Variants in SECISBP2 observed in about 807,000 individuals in gnomAD.
SECISBP2 encodes the protein selenocysteine insertion sequence-binding protein 2.
In SECISBP2, 96 loss-of-function variants were observed where a neutral mutation model predicts 98.2. That is an observed-to-expected ratio of 0.98 (90% CI 0.83 to 1.16). The LOEUF is 1.16. Among genes scored for constraint, SECISBP2 ranks in the 50% most tolerant of loss-of-function variants. The pLI is 0.00. For synonymous variants in SECISBP2, 407 were observed against 370.2 expected, an observed-to-expected ratio of 1.10 and a Z score of -1.14; for missense variants, 1,046 against 1,022.9, an observed-to-expected ratio of 1.02 and a Z score of -0.31.
At chr9:89,358,320 G>T in intron 16 of SECISBP2, 129 bp downstream of exon 16, 1 of 915,830 alleles carries the variant, frequency 1.1e-6, no homozygotes, top group Non-Finnish European at 1.8e-6. Context: ...GGTAAGTCCA[G>T]CCCATTGCCT....
chr9:89,358,288 G>T (rs1832410715), intron 16 of SECISBP2, 97 bp downstream of exon 16: 3 of 1,251,430 alleles, frequency 2.4e-6, no homozygotes, highest in Non-Finnish European at 2.3e-6. Flanking sequence ...AATGCTGCAA[G>T]ACCAGCTGAG....
chr9:89,336,897 A>G lies in SECISBP2; in HGVS notation c.1090-1561A>G, dbSNP rs139902319. Among the ~76,000 whole-genome samples, 432 of 144,670 alleles carry G rather than the reference A, an allele frequency of 3.0e-3. 2 individuals are homozygous for G. The highest frequency in any genetic ancestry group is 0.011 in the African/African-American group (411 of 38,110). 94.9% of individuals were successfully genotyped at this position (144,670 alleles called of 152,430 possible). The stretch of plus-strand genomic sequence containing the variant: ...AGCAATTCTCCTGCCTTAGTCTCCC[A>G]AGTAGCTGGGATTACAGGTGCCCGC... On this transcript the variant is annotated intron_variant, in intron 7 of 16. Coordinates refer to ENST00000375807, the MANE Select transcript of SECISBP2 (RefSeq NM_024077.5).
At chr9:89,347,779 G>T (rs1056387819) in intron 11 of SECISBP2, among the ~76,000 whole-genome samples, 1 of 152,134 alleles carries the variant, frequency 6.6e-6, no homozygotes, top group African/African-American at 2.4e-5. Flanking sequence ...GCCTCCCTCC[G>T]GTGAATTCTT....
At chr9:89,335,702 C>CT (rs1165735528) in intron 7 of SECISBP2, among the ~76,000 whole-genome samples, 1 of 152,288 alleles carries the variant, frequency 6.6e-6, no homozygotes, top group East Asian at 1.9e-4. Context: ...AGTCACTAGT[C>CT]TGAGTTTATT....
intron 10 of SECISBP2, among the ~76,000 whole-genome samples, chr9:89,344,448 C>G (rs1025335985): frequency 3.3e-5 from 5 of 152,060 alleles, no homozygotes; most frequent in African/African-American, 1.2e-4. Flanking sequence ...CTGGGTTTTA[C>G]GTTTAAGTCT....
In SECISBP2 at chr9:89,325,861, G is replaced by A. The variant is rs1209068454; in HGVS notation, c.433-36G>A. 3.1e-6 allele frequency: 5 copies of A among 1,612,924 alleles called. No homozygotes were observed. In the South Asian group the frequency reaches 4.4e-5, roughly 14 times the overall value. The stretch of plus-strand genomic sequence containing the variant: ...GCTTTAAACCTTTTTTATAGTGGTG[G>A]TTTTATTTCATGTTGCTTTTTAATC... On this transcript the variant is annotated intron_variant, in intron 3 of 16. Transcript: ENST00000375807.
intron 14 of SECISBP2, chr9:89,354,898 T>C (rs945440260): frequency 1.0e-6 from 1 of 985,320 alleles, no homozygotes; most frequent in African/African-American, 1.7e-5. Context: ...AATATAGATT[T>C]CACTGTAAGT....
chr9:89,364,608 A>G (rs1279541700), downstream of SECISBP2: 1 of 156,518 alleles, frequency 6.4e-6, no homozygotes, highest in African/African-American at 2.4e-5. Flanking sequence ...TGGGCCCGAC[A>G]TTGGCCACTT....
chr9:89,345,353 G>A (rs1830272041), intron 10 of SECISBP2, among the ~76,000 whole-genome samples: 1 of 152,226 alleles, frequency 6.6e-6, no homozygotes, highest in Non-Finnish European at 1.5e-5. Context: ...CAGTGACAGG[G>A]AAGCTGCTGG....
At chr9:89,362,069 A>C, downstream of SECISBP2, 1 of 495,090 alleles carries the variant, frequency 2.0e-6, no homozygotes, top group Non-Finnish European at 3.7e-6. Flanking sequence ...TAGAGGAGGA[A>C]CCTGCACACA....
chr9:89,335,828 T>G (rs1828574965), intron 7 of SECISBP2, among the ~76,000 whole-genome samples: 1 of 152,294 alleles, frequency 6.6e-6, no homozygotes, highest in African/African-American at 2.4e-5. Context: ...CTGTGAGCCA[T>G]TTTGAATTCT....
At chr9:89,364,595 C>G (rs114377821), downstream of SECISBP2, 1,904 of 158,460 alleles carry the variant, frequency 0.012, 41 homozygotes, top group African/African-American at 0.043. Flanking sequence ...TGAGCATGGA[C>G]TCTGGGCCCG....
In SECISBP2 at chr9:89,350,654, A is replaced by G; in HGVS notation, c.1915A>G (p.Lys639Glu). 6.2e-7 allele frequency: 1 copy of G among 1,614,104 alleles called. No homozygotes were observed. Among genetic ancestry groups the G allele is most frequent in the African/African-American group, 1.3e-5 (1 of 75,046 alleles). Residue 639 changes from lysine (K) to glutamate (E), a missense_variant, in exon 14 of 17, where the codon AAA becomes GAA. Transcript: ENST00000375807. ...CAGTTACTGCAGCCAGATGCTTAGT[A>G]AAGAAGTGGATGCTTGTGTTACCGA... ...FRDYCSQMLS[K>E]EVDACVTDLL...
At position 89,325,458 on chromosome 9, in the gene SECISBP2, G is replaced by C. The variant is rs149232886; in HGVS notation, c.214G>C (p.Gly72Arg). The C allele has an allele frequency of 2.5e-6, 4 of 1,613,874 alleles. No homozygotes were observed. The highest frequency in any genetic ancestry group is 3.4e-6 in the Non-Finnish European group (4 of 1,179,864). The change falls in exon 3 of 17, where the codon GGA (glycine) becomes CGA (arginine). Residue 72 changes from glycine to arginine, a missense_variant. Gly to Arg is a moderately radical substitution (Grantham distance 125, BLOSUM62 -2). Coordinates refer to ENST00000375807, the MANE Select transcript of SECISBP2 (RefSeq NM_024077.5). The stretch of plus-strand genomic sequence containing the variant: ...AATATATACTGAAGACATGGCCTTT[G>C]GAGCTTCAACTTTTCCACCTCAGTA... ...QKIYTEDMAFGASTFPPQYLS... is the reference protein window; with the variant it reads ...QKIYTEDMAFRASTFPPQYLS...
intron 5 of SECISBP2, chr9:89,332,615 G>A (rs1429223239): frequency 7.0e-6 from 3 of 430,212 alleles, no homozygotes; most frequent in African/African-American, 4.0e-5. Context: ...GCAGTTATGA[G>A]TAAAGCTGCT....
intron 10 of SECISBP2, among the ~76,000 whole-genome samples, chr9:89,345,688 G>T (rs1830318897): frequency 6.6e-6 from 1 of 152,216 alleles, no homozygotes; most frequent in Non-Finnish European, 1.5e-5. Flanking sequence ...AGGAGGTGTA[G>T]AGCTAGAGGG....
chr9:89,343,274 A>G (rs1019662607), intron 10 of SECISBP2, among the ~76,000 whole-genome samples: 1 of 152,184 alleles, frequency 6.6e-6, no homozygotes, highest in African/African-American at 2.4e-5. Flanking sequence ...AGGCTTTTAG[A>G]TATGTTTCTT....
chr9:89,352,529 T>G (rs1336786091), intron 14 of SECISBP2, among the ~76,000 whole-genome samples: 1 of 152,202 alleles, frequency 6.6e-6, no homozygotes, highest in Non-Finnish European at 1.5e-5. Context: ...GGGGGTTCAC[T>G]GGAAGTGCCT....
chr9:89,362,314 G>T, downstream of SECISBP2: 3 of 1,611,288 alleles, frequency 1.9e-6, no homozygotes, highest in Non-Finnish European at 2.5e-6. Flanking sequence ...AGTTGTGGGG[G>T]ACCAGGCCTT....
Sources: gnomAD v4.1 joint callset for allele counts (sites outside exome capture counted in the v4.1 genomes callset) on GRCh38, gnomAD v4.1.1 for gene constraint, MANE v1.5 for transcripts, NCBI Gene and HGNC (gene_info 2026-07-23, HGNC 2026-07-21) for gene names.